The following RANBP9 variants were observed in gnomAD, a reference collection of about 807,000 sequenced individuals.
The protein encoded by RANBP9 is ran-binding protein 9.
A neutral mutation model predicts 84.3 loss-of-function variants in RANBP9; 15 were observed. That is an observed-to-expected ratio of 0.18 (90% CI 0.12 to 0.27). RANBP9 has a LOEUF of 0.27. RANBP9 is among the 10% of genes least tolerant of loss of function. The pLI is 1.00. For synonymous variants in RANBP9, 392 were observed against 349.6 expected, an observed-to-expected ratio of 1.12 and a Z score of -1.35; for missense variants, 809 against 912.8, an observed-to-expected ratio of 0.89 and a Z score of 1.46.
chr6:13,662,628 T>A (rs935588653), intron 2 of RANBP9, among the ~76,000 whole-genome samples: 3 of 152,176 alleles, frequency 2.0e-5, no homozygotes, highest in Non-Finnish European at 4.4e-5. Flanking sequence ...TAAGGACACA[T>A]AGGTGTTTTC....
At chr6:13,661,274 T>C (rs1349597832) in intron 2 of RANBP9, among the ~76,000 whole-genome samples, 1 of 152,168 alleles carries the variant, frequency 6.6e-6, no homozygotes, top group Non-Finnish European at 1.5e-5. Context: ...CTCAATATCA[T>C]GCTGAAGCAA....
chr6:13,660,079 A>G (rs900522560), intron 2 of RANBP9, among the ~76,000 whole-genome samples: 1 of 152,244 alleles, frequency 6.6e-6, no homozygotes, highest in Non-Finnish European at 1.5e-5. Flanking sequence ...CTTCTAGTAT[A>G]GCCAGCTGGA....
chr6:13,639,856 T>C, intron 8 of RANBP9, 103 bp from the exon 9 acceptor site: 1 of 996,492 alleles, frequency 1.0e-6, no homozygotes, highest in Non-Finnish European at 1.5e-6. Context: ...GATTTATCAG[T>C]AGGATTGGTC....
intron 2 of RANBP9, among the ~76,000 whole-genome samples, chr6:13,683,899 G>GTAT (rs58379724): frequency 0.19 from 29,474 of 151,698 alleles, 3,138 homozygotes; most frequent in African/African-American, 0.27. Context: ...GAAACATGAT[G>GTAT]GTTATATATC....
chr6:13,679,045 TCTG>T (rs1584938399), intron 2 of RANBP9, among the ~76,000 whole-genome samples: 2 of 152,046 alleles, frequency 1.3e-5, no homozygotes, highest in East Asian at 3.9e-4. Flanking sequence ...CCTAGAACAT[TCTG>T]CTGTGATTAA....
At chr6:13,636,292 C>T (rs1764938425) in intron 10 of RANBP9, among the ~76,000 whole-genome samples, 1 of 152,218 alleles carries the variant, frequency 6.6e-6, no homozygotes, top group African/African-American at 2.4e-5. Flanking sequence ...TCCCGCTCTA[C>T]ATCTGTAAAA....
At chr6:13,705,162 G>C (rs1352279647) in intron 1 of RANBP9, among the ~76,000 whole-genome samples, 3 of 152,088 alleles carry the variant, frequency 2.0e-5, no homozygotes, top group Non-Finnish European at 4.4e-5. Context: ...CCAGCACTTT[G>C]AGAAGCCAAG....
At chr6:13,710,366 G>C (rs548700954) in intron 1 of RANBP9, among the ~76,000 whole-genome samples, 5 of 152,036 alleles carry the variant, frequency 3.3e-5, no homozygotes, top group Non-Finnish European at 5.9e-5. Context: ...TACCCTCCCG[G>C]TTGCTTTTAC....
intron 4 of RANBP9, among the ~76,000 whole-genome samples, chr6:13,654,612 G>A (rs934323034): frequency 3.3e-5 from 5 of 152,144 alleles, no homozygotes; most frequent in African/African-American, 1.2e-4. Flanking sequence ...GGTAGGCAAA[G>A]CTTTCCTATG....
chr6:13,630,415 A>C (rs1051641638), intron 12 of RANBP9, among the ~76,000 whole-genome samples: 4 of 152,210 alleles, frequency 2.6e-5, no homozygotes, highest in African/African-American at 9.6e-5. Context: ...AATGGAGTAT[A>C]ATCTTAAATT....
At chr6:13,693,748 T>C (rs1418581902) in intron 2 of RANBP9, among the ~76,000 whole-genome samples, 1 of 152,054 alleles carries the variant, frequency 6.6e-6, no homozygotes, top group African/African-American at 2.4e-5. Context: ...AACGTATATA[T>C]GTAAAAGCTA....
intron 2 of RANBP9, among the ~76,000 whole-genome samples, chr6:13,669,378 C>T (rs1765723472): frequency 1.3e-5 from 2 of 152,086 alleles, no homozygotes; most frequent in Admixed American, 6.6e-5. Flanking sequence ...ACAAACTGAT[C>T]CTGAAATCAT....
chr6:13,632,381 T>G lies in RANBP9; in HGVS notation c.1936A>C (p.Lys646Gln). ...RDCGKNTANK[K>Q]MLKDAFSLLA... is the part of the protein sequence containing the mutation. Reference sequence around the variant, plus strand: ...AAAAATATATTCACCTTCAACATTTTTTTGTTTGCAGTGTTCTTGCCACAG... The same window carrying G: ...AAAAATATATTCACCTTCAACATTTGTTTGTTTGCAGTGTTCTTGCCACAG... Residue 646 changes from lysine to glutamine, a missense_variant, in exon 12 of 14, where the codon AAA becomes CAA. Transcript: ENST00000011619. 2 of 1,607,326 alleles carry G rather than the reference T, an allele frequency of 1.2e-6. No homozygotes were observed. The highest frequency in any genetic ancestry group is 2.2e-5 in the South Asian group (2 of 89,350).
chr6:13,704,352 G>A (rs890925079), intron 1 of RANBP9, among the ~76,000 whole-genome samples: 21 of 152,194 alleles, frequency 1.4e-4, no homozygotes, highest in African/African-American at 4.3e-4. Context: ...ACTGGGCCAG[G>A]TACAGTGGCT....
rs760852871 is a variant in RANBP9 at position 13,696,857 on chromosome 6, G to A, written c.611C>T (p.Ala204Val). Residue 204 changes from alanine to valine, a missense_variant, in exon 2 of 14, where the codon GCC becomes GTC. This residue lies in a region of RANBP9 where 56 missense variants were observed against 88.2 expected (regional missense o/e 0.63). Transcript: ENST00000011619. ...KTPKDAASVR[A>V]THPIPAACGI... is the part of the protein sequence containing the mutation. ...ACAGGCTGCTGGTATTGGATGCGTGGCTCGAACTGACGCGGCATCTTTTGG... is the reference window on the plus strand; with the variant it reads ...ACAGGCTGCTGGTATTGGATGCGTGACTCGAACTGACGCGGCATCTTTTGG... The A allele has an allele frequency of 6.2e-7, 1 of 1,613,174 alleles. No homozygotes were observed. Among genetic ancestry groups the A allele is most frequent in the East Asian group, 2.2e-5 (1 of 44,828 alleles).
intron 7 of RANBP9, among the ~76,000 whole-genome samples, 184 bp from the exon 8 acceptor site, chr6:13,641,491 T>G (rs1055479189): frequency 6.6e-6 from 1 of 151,158 alleles, no homozygotes; most frequent in Admixed American, 6.6e-5. Flanking sequence ...TACTAGAAAA[T>G]TAGAAAAACA....
At position 13,632,425 on chromosome 6, in the gene RANBP9, C is replaced by CTCA. The variant is rs1764815318; in HGVS notation, c.1889_1891dup (p.Met630dup). 1 of 1,613,890 alleles carries CTCA rather than the reference C, an allele frequency of 6.2e-7. No individual in the cohort carries two copies. The highest frequency in any genetic ancestry group is 8.5e-7 in the Non-Finnish European group (1 of 1,179,970). On this transcript the variant is annotated inframe_insertion, in exon 12 of 14. Transcript: ENST00000011619. ...GCCACAGTCTCTCCTTAGCTGTTCACTCATTGCTTGCAGCTCTCGTCCAAA... is the reference window on the plus strand; with the variant it reads ...GCCACAGTCTCTCCTTAGCTGTTCACTCATCATTGCTTGCAGCTCTCGTCCAAA...
chr6:13,696,411 C>T (rs139402073), intron 2 of RANBP9, among the ~76,000 whole-genome samples: 1 of 152,292 alleles, frequency 6.6e-6, no homozygotes, highest in East Asian at 1.9e-4. Flanking sequence ...AGTCCAACAT[C>T]TGTAAAATAC....
In RANBP9 at chr6:13,622,072, T is replaced by G; in HGVS notation, c.*290A>C. ...CCCACAAAGAAGGCAGGATTTTTGG[T>G]TTCTTTTAGGTAATTGTTTTAAAGG... is the stretch of plus-strand genomic sequence containing the variant. On this transcript the variant is annotated 3_prime_UTR_variant, in exon 14 of 14. Transcript: ENST00000011619. The G allele has an allele frequency of 5.4e-6, 1 of 185,850 alleles. No homozygotes were observed. The allele number at this position is 185,850 out of a possible 1,614,324, so 11.5% of individuals were successfully genotyped here.
Sources: allele counts gnomAD v4.1 joint callset (sites outside exome capture counted in the v4.1 genomes callset), GRCh38; gene constraint gnomAD v4.1.1; regional missense constraint gnomAD v4.1.1; transcripts MANE v1.5; gene names NCBI Gene and HGNC (gene_info 2026-07-23, HGNC 2026-07-21).